ZNF577: variants seen among roughly 807,000 people sequenced by gnomAD.
ZNF577 encodes the protein zinc finger protein 577.
In ZNF577, 14 loss-of-function variants were observed where a neutral mutation model predicts 13.9. The ratio of observed to expected loss-of-function variants is 1.00; its 90% confidence interval spans 0.66 to 1.57. ZNF577 has a LOEUF of 1.57. Ranked by LOEUF, ZNF577 falls within the 40% of genes most tolerant of loss-of-function variation. ZNF577 has a pLI of 0.00. For synonymous variants in ZNF577, 203 were observed against 202.9 expected, an observed-to-expected ratio of 1.00 and a Z score of 0.00; for missense variants, 555 against 579.2, an observed-to-expected ratio of 0.96 and a Z score of 0.43.
At chr19:51,847,949 C>A (rs1207857638) in intron 5 of ZNF577, among the ~76,000 whole-genome samples, 1 of 152,170 alleles carries the variant, frequency 6.6e-6, no homozygotes, top group African/African-American at 2.4e-5. Flanking sequence ...TCTACAGACG[C>A]GGATCCCGGT....
chr19:51,877,951 T>C (rs2084792951), intron 4 of ZNF577: 1 of 156,296 alleles, frequency 6.4e-6, no homozygotes, highest in Non-Finnish European at 1.4e-5. Context: ...CTCTGGCACA[T>C]GCTACAACAT....
intron 2 of ZNF577, 92 bp downstream of exon 2, chr19:51,880,587 G>A: frequency 1.6e-6 from 1 of 613,142 alleles, no homozygotes; most frequent in Non-Finnish European, 2.9e-6. Flanking sequence ...ATTTTTATCA[G>A]CATACACTAT....
chr19:51,820,056 A>T (rs1199583688), intron 9 of ZNF577, among the ~76,000 whole-genome samples: 2 of 152,242 alleles, frequency 1.3e-5, no homozygotes. Context: ...AGGCTAAAAA[A>T]TGCACATCTA....
chr19:51,854,493 T>C (rs1225850524), intron 5 of ZNF577, among the ~76,000 whole-genome samples: 3 of 140,770 alleles, frequency 2.1e-5, no homozygotes, highest in South Asian at 2.4e-4. Context: ...CATGCCCAGC[T>C]AAATTTTTTT....
rs1485621200 is a variant in ZNF577 at position 51,867,597 on chromosome 19, AC to A, written c.*4934del. Among the ~76,000 whole-genome samples, 9 of 141,588 alleles carry A rather than the reference AC, an allele frequency of 6.4e-5. No individual in the cohort carries two copies. Among genetic ancestry groups the A allele is most frequent in the African/African-American group, 2.1e-4 (8 of 37,860 alleles). 92.9% of individuals were successfully genotyped at this position (141,588 alleles called of 152,430 possible). On this transcript the variant is annotated 3_prime_UTR_variant, in exon 6 of 6. Transcript: ENST00000638348. ...AGACCAGACTGGCCAACATGATGAA[AC>A]CCCGTCTCTACTAAAAATACAAAAA...
rs542098613 is a variant in ZNF577, at chr19:51,860,684, CAT to C, written c.284-15755_284-15754del. On this transcript the variant is annotated intron_variant and NMD_transcript_variant, in intron 5 of 10. Transcript: ENST00000638827. ...CCGTTTCAGAAGGACCTATCTACCACATGAGTTTGCTGATATAATTAGTGACC... is the reference window on the plus strand; with the variant it reads ...CCGTTTCAGAAGGACCTATCTACCACGAGTTTGCTGATATAATTAGTGACC... The C allele has an allele frequency of 9.1e-4, 182 of 200,670 alleles. 1 individual carries two copies. Among genetic ancestry groups the C allele is most frequent in the South Asian group, 5.7e-3 (75 of 13,090 alleles). The allele number at this position is 200,670 out of a possible 1,614,324, so 12.4% of individuals were successfully genotyped here.
intron 5 of ZNF577, among the ~76,000 whole-genome samples, chr19:51,852,945 C>T (rs55757528): frequency 0.38 from 54,606 of 143,982 alleles, 11,204 homozygotes; most frequent in African/African-American, 0.55. Context: ...TTTTTTTTTT[C>T]TTTGAGACAG....
intron 9 of ZNF577, among the ~76,000 whole-genome samples, chr19:51,822,956 A>G (rs4802874): frequency 0.47 from 70,905 of 151,806 alleles, 16,909 homozygotes; most frequent in African/African-American, 0.57. Flanking sequence ...TCTGCCTCCC[A>G]GGTTCAAGCA....
intron 5 of ZNF577, among the ~76,000 whole-genome samples, chr19:51,854,310 G>C (rs888146776): frequency 6.6e-6 from 1 of 151,772 alleles, no homozygotes; most frequent in Non-Finnish European, 1.5e-5. Context: ...CTGTGGAGAA[G>C]GTAATGAATT....
intron 9 of ZNF577, chr19:51,823,806 G>A: frequency 6.2e-7 from 1 of 1,613,396 alleles, no homozygotes; most frequent in East Asian, 2.2e-5. Context: ...CCCTGAGCCT[G>A]CTGGCCACAC....
rs979663625 is a variant in ZNF577, at chr19:51,870,683, A to G, written c.*1849T>C. ...TGGGGGAAACTCTACAGAACTCTCA[A>G]TTCTTGAGTGCAGCTCTTCTCCAAT... On this transcript the variant is annotated 3_prime_UTR_variant, in exon 6 of 6. Transcript: ENST00000638348. Among the ~76,000 whole-genome samples the G allele has an allele frequency of 2.0e-5, 3 of 152,166 alleles. No individual in the cohort carries two copies. The highest frequency in any genetic ancestry group is 2.9e-5 in the Non-Finnish European group (2 of 68,030).
At chr19:51,808,549 T>C (rs1345376186) in intron 10 of ZNF577, among the ~76,000 whole-genome samples, 1 of 152,236 alleles carries the variant, frequency 6.6e-6, no homozygotes, top group Non-Finnish European at 1.5e-5. Context: ...CTGTTAAGCA[T>C]GCCTTGGGGT....
chr19:51,860,888 A>G (rs1288319175), intron 5 of ZNF577: 5 of 395,080 alleles, frequency 1.3e-5, no homozygotes, highest in Non-Finnish European at 2.4e-5. Flanking sequence ...TTTGACTTTC[A>G]GATTTTAATT....
rs778189561 is a variant in ZNF577, at chr19:51,877,343, C to G, written c.222G>C (p.Lys74Asn). 3 of 1,614,172 alleles carry G rather than the reference C, an allele frequency of 1.9e-6. No individual in the cohort carries two copies. Among genetic ancestry groups the G allele is most frequent in the African/African-American group, 1.3e-5 (1 of 75,046 alleles). ...TCCCTGGGGGTTCTCCTTGCTCCAA[C>G]TTGAAGAGCGAATCTGGCTTGGTGC... ...YRGTKPDSLF[K>N]LEQGEPPGIA... Residue 74 changes from lysine (K) to asparagine (N), a missense_variant, in exon 5 of 6, where the codon AAG becomes AAC. Transcript: ENST00000638348.
intron 5 of ZNF577, among the ~76,000 whole-genome samples, chr19:51,855,138 A>G (rs2084404791): frequency 6.6e-6 from 1 of 152,198 alleles, no homozygotes; most frequent in African/African-American, 2.4e-5. Flanking sequence ...ATTTTTGTTG[A>G]ATATAGAAAT....
intron 5 of ZNF577, among the ~76,000 whole-genome samples, chr19:51,858,437 A>G (rs1368447114): frequency 1.3e-5 from 2 of 152,208 alleles, no homozygotes; most frequent in East Asian, 1.9e-4. Flanking sequence ...TGACACACAC[A>G]AACACACACA....
intron 9 of ZNF577, among the ~76,000 whole-genome samples, chr19:51,830,955 T>A (rs1352960160): frequency 6.6e-6 from 1 of 152,142 alleles, no homozygotes; most frequent in Non-Finnish European, 1.5e-5. Flanking sequence ...CATTTCCACT[T>A]GAAAACCTAT....
chr19:51,836,062 G>C (rs2084286018), intron 9 of ZNF577, among the ~76,000 whole-genome samples: 1 of 152,094 alleles, frequency 6.6e-6, no homozygotes, highest in Admixed American at 6.6e-5. Context: ...ACACATTAGT[G>C]GTTTTAAAAA....
intron 9 of ZNF577, chr19:51,823,778 T>G (rs770401673): frequency 6.2e-7 from 1 of 1,605,290 alleles, no homozygotes. Context: ...TTCCTCTGAA[T>G]GAAACTGAGG....
Sources: gnomAD v4.1 joint callset for allele counts (sites outside exome capture counted in the v4.1 genomes callset) on GRCh38, gnomAD v4.1.1 for gene constraint, MANE v1.5 for transcripts, NCBI Gene and HGNC (gene_info 2026-07-23, HGNC 2026-07-21) for gene names.